Variants in GPATCH2 observed in about 807,000 individuals in gnomAD.
The protein encoded by GPATCH2 is G patch domain-containing protein 2.
In GPATCH2, 51 loss-of-function variants were observed where a neutral mutation model predicts 58.0. The ratio of observed to expected loss-of-function variants is 0.88; its 90% confidence interval spans 0.70 to 1.11. The LOEUF (loss-of-function observed/expected upper bound fraction) is 1.11, where lower values mean the gene tolerates loss of function less well. GPATCH2 is among the 50% of genes most tolerant of loss of function. The probability of loss-of-function intolerance (pLI) is 0.00; values close to 1 mark genes in which losing one functional copy is unlikely to be tolerated. For synonymous variants in GPATCH2, 222 were observed against 218.5 expected (o/e 1.02, Z -0.14); for missense variants, 625 against 652.2 (o/e 0.96, Z 0.45).
At chr1:217,599,527 A>G (rs561125750) in intron 5 of GPATCH2, among the ~76,000 whole-genome samples, 43 of 152,298 alleles carry the variant, frequency 2.8e-4, no homozygotes, top group African/African-American at 9.9e-4. Context: ...TGAAGGACCA[A>G]AACCCACTTA....
intron 6 of GPATCH2, among the ~76,000 whole-genome samples, chr1:217,500,664 A>T (rs375638173): frequency 4.6e-5 from 7 of 152,122 alleles, no homozygotes; most frequent in African/African-American, 1.4e-4. Context: ...TAATTTCTCT[A>T]GTAGTGAGCA....
At chr1:217,569,646 G>A (rs1272829642) in intron 5 of GPATCH2, among the ~76,000 whole-genome samples, 2 of 152,166 alleles carry the variant, frequency 1.3e-5, no homozygotes, top group Non-Finnish European at 2.9e-5. Context: ...AGTGAGCGAA[G>A]ACTGCACCAT....
chr1:217,582,299 T>A (rs1372275262), intron 5 of GPATCH2, among the ~76,000 whole-genome samples: 2 of 152,058 alleles, frequency 1.3e-5, no homozygotes, highest in African/African-American at 4.8e-5. Context: ...ACTACCTAAA[T>A]CCTATAATTA....
chr1:217,490,810 A>G lies in GPATCH2; in HGVS notation c.1277+870T>C, dbSNP rs138785395. On this transcript the variant is annotated intron_variant, in intron 8 of 9. Coordinates refer to ENST00000366935, the MANE Select transcript of GPATCH2 (RefSeq NM_018040.5). Reference sequence around the variant, plus strand: ...AATCTCTTAGTCATTTATGTTGACTATCACTGATGGTGAATTATCCCATTT... The same window carrying G: ...AATCTCTTAGTCATTTATGTTGACTGTCACTGATGGTGAATTATCCCATTT... Among the ~76,000 whole-genome samples, 1,087 of 152,322 alleles carry G rather than the reference A, an allele frequency of 7.1e-3. 42 individuals are homozygous for G. Among genetic ancestry groups the G allele is most frequent in the Admixed American group, 0.056 (849 of 15,282 alleles).
intron 5 of GPATCH2, among the ~76,000 whole-genome samples, chr1:217,559,620 G>A (rs1174598030): frequency 6.6e-6 from 1 of 152,154 alleles, no homozygotes; most frequent in Non-Finnish European, 1.5e-5. Context: ...AAGCAGGCAA[G>A]GTGAAAGCAA....
At chr1:217,597,519 A>C (rs1211675873) in intron 5 of GPATCH2, among the ~76,000 whole-genome samples, 1 of 152,158 alleles carries the variant, frequency 6.6e-6, no homozygotes, top group African/African-American at 2.4e-5. Flanking sequence ...ATACCTCTTA[A>C]ACAGGCAATT....
intron 8 of GPATCH2, among the ~76,000 whole-genome samples, chr1:217,455,814 C>A (rs896589099): frequency 6.6e-6 from 1 of 151,998 alleles, no homozygotes; most frequent in Non-Finnish European, 1.5e-5. Context: ...ACCTCCCTAT[C>A]CTGTACCCAT....
intron 8 of GPATCH2, among the ~76,000 whole-genome samples, chr1:217,470,036 T>C (rs1315684508): frequency 2.0e-5 from 3 of 152,156 alleles, no homozygotes; most frequent in East Asian, 1.9e-4. Context: ...CAGGCTGCAG[T>C]AGTGATACAA....
chr1:217,445,356 T>G (rs1434333487), intron 9 of GPATCH2, among the ~76,000 whole-genome samples: 1 of 152,126 alleles, frequency 6.6e-6, no homozygotes, highest in Non-Finnish European at 1.5e-5. Context: ...ACTTAAATCT[T>G]TTTACTATTA....
At chr1:217,515,287 G>A (rs1663075146) in intron 5 of GPATCH2, among the ~76,000 whole-genome samples, 1 of 151,862 alleles carries the variant, frequency 6.6e-6, no homozygotes. Context: ...TAGTAGAGAC[G>A]GGGTTTCACT....
At chr1:217,476,020 C>T (rs529106511) in intron 8 of GPATCH2, among the ~76,000 whole-genome samples, 1 of 152,032 alleles carries the variant, frequency 6.6e-6, no homozygotes, top group Non-Finnish European at 1.5e-5. Flanking sequence ...GAGATGCCAC[C>T]AAGAAAACTA....
intron 6 of GPATCH2, among the ~76,000 whole-genome samples, chr1:217,500,216 CATTCTT>C (rs1241114044): frequency 6.6e-5 from 10 of 152,160 alleles, no homozygotes; most frequent in Admixed American, 6.6e-4. Context: ...GTCTTTATTA[CATTCTT>C]ATTCTTATCA....
chr1:217,491,662 C>A lies in GPATCH2; in HGVS notation c.1277+18G>T. On this transcript the variant is annotated intron_variant, in intron 8 of 9. Coordinates refer to ENST00000366935, the MANE Select transcript of GPATCH2 (RefSeq NM_018040.5). ...AAAAAGAAAATGAATGAATAAAAAG[C>A]GATTTTGAATTGCTTACCTGCTGGC... 2.4e-6 allele frequency: 3 copies of A among 1,264,826 alleles called. No homozygotes were observed. Among genetic ancestry groups the A allele is most frequent in the Non-Finnish European group, 3.4e-6 (3 of 878,582 alleles). The allele number at this position is 1,264,826 out of a possible 1,614,324, so 78.4% of individuals were successfully genotyped here. A position where few individuals can be genotyped will look rare whatever the true frequency, so the allele number is the denominator to read the frequency against.
chr1:217,608,411 TC>T, intron 5 of GPATCH2: 4 of 984,712 alleles, frequency 4.1e-6, no homozygotes, highest in Non-Finnish European at 4.8e-6. Context: ...AAGTGAAACT[TC>T]ATCACCTTTT....
intron 2 of GPATCH2, among the ~76,000 whole-genome samples, chr1:217,617,762 T>C (rs548551627): frequency 4.9e-4 from 75 of 152,296 alleles, no homozygotes; most frequent in African/African-American, 1.7e-3. Flanking sequence ...AGAGAAAATA[T>C]ATTTTTTAAC....
chr1:217,468,515 CCACACACACACACACACACACA>C (rs10524566), intron 8 of GPATCH2, among the ~76,000 whole-genome samples: 8 of 142,704 alleles, frequency 5.6e-5, no homozygotes, highest in Middle Eastern at 3.6e-3. Context: ...GCACACACAA[CCACACACACACACACACACACA>C]CACACACACA....
At chr1:217,473,516 C>T (rs553932598) in intron 8 of GPATCH2, among the ~76,000 whole-genome samples, 55 of 151,844 alleles carry the variant, frequency 3.6e-4, no homozygotes, top group Non-Finnish European at 3.2e-4. Context: ...TTTTGAGGTA[C>T]ATGAAAATGA....
Position 217,620,309 on chromosome 1 carries a change from C to G in GPATCH2, c.247G>C (p.Glu83Gln), listed in dbSNP as rs143204728. The change falls in exon 2 of 10, where the codon GAG (glutamate) becomes CAG (glutamine). Residue 83 changes from glutamate (E) to glutamine (Q), a missense_variant. Coordinates refer to ENST00000366935, the MANE Select transcript of GPATCH2 (RefSeq NM_018040.5). ...RRSYNVHHPW[E>Q]TGHCLSEGSD... Reference sequence around the variant, plus strand: ...CCTTCACTTAAGCAGTGACCAGTCTCCCACGGGTGATGCACATTATACGAC... The same window carrying G: ...CCTTCACTTAAGCAGTGACCAGTCTGCCACGGGTGATGCACATTATACGAC... The G allele has an allele frequency of 1.5e-4, 243 of 1,613,960 alleles. No homozygotes were observed. The highest frequency in any genetic ancestry group is 3.3e-4 in the Middle Eastern group (2 of 6,084).
chr1:217,456,527 A>C (rs1437974426), intron 8 of GPATCH2, among the ~76,000 whole-genome samples: 1 of 152,192 alleles, frequency 6.6e-6, no homozygotes, highest in Non-Finnish European at 1.5e-5. Flanking sequence ...TGACTCCTCA[A>C]AGCAGTGTCA....
Sources: allele counts gnomAD v4.1 joint callset (sites outside exome capture counted in the v4.1 genomes callset), GRCh38; gene constraint gnomAD v4.1.1; transcripts MANE v1.5; gene names NCBI Gene and HGNC (gene_info 2026-07-23, HGNC 2026-07-21).